TRPV3: variants seen among roughly 807,000 people sequenced by gnomAD.
TRPV3 encodes the protein VRL-3.
In TRPV3, 88 loss-of-function variants were observed where a neutral mutation model predicts 87.1. That is an observed-to-expected ratio of 1.01 (90% CI 0.85 to 1.21). The LOEUF (loss-of-function observed/expected upper bound fraction) is 1.21. TRPV3 is among the 50% of genes most tolerant of loss of function. The pLI is 0.00. For synonymous variants in TRPV3, 438 were observed against 423.3 expected, an observed-to-expected ratio of 1.03 and a Z score of -0.43; for missense variants, 1,054 against 1,030.1, an observed-to-expected ratio of 1.02 and a Z score of -0.32.
chr17:3,531,056 C>CA (rs148968873), intron 8 of TRPV3, among the ~76,000 whole-genome samples: 50,560 of 144,930 alleles, frequency 0.35, 10,960 homozygotes, highest in Non-Finnish European at 0.48. Flanking sequence ...ACTCTAGTCT[C>CA]AAAAAAAACA....
chr17:3,546,823 C>A, intron 2 of TRPV3: 1 of 361,810 alleles, frequency 2.8e-6, no homozygotes, highest in Non-Finnish European at 5.7e-6. Context: ...ACAAAATTAG[C>A]TGGGTGTGGT....
rs369066309 is a variant in TRPV3 at position 3,556,636 on chromosome 17, G to C, written c.-3+1040C>G. Among the ~76,000 whole-genome samples the C allele has an allele frequency of 2.0e-5, 3 of 152,180 alleles. No individual in the cohort carries two copies. The highest frequency in any genetic ancestry group is 4.4e-5 in the Non-Finnish European group (3 of 68,020). ...CGGAGCCAGGTGTCATCAGGCTGGA[G>C]AGAGTCCCCCGCCCTCCAACTCAAA... On this transcript the variant is annotated intron_variant, in intron 1 of 17. Transcript: ENST00000576742. The surrounding 1 kb of genome is among the most constrained non-coding windows in gnomAD (Gnocchi z 4.2).
chr17:3,514,025 A>C lies in TRPV3; in HGVS notation c.2279-14T>G. ...TTTTGTTGAAATCTGCTTTTTAAAA[A>C]AATATATATTTTAGAAATATATCAC... is the stretch of plus-strand genomic sequence containing the variant. On this transcript the variant is annotated splice_polypyrimidine_tract_variant and intron_variant, in intron 17 of 17. Transcript: ENST00000576742. 6.3e-7 allele frequency: 1 copy of C among 1,591,984 alleles called. No homozygotes were observed. The highest frequency in any genetic ancestry group is 8.6e-7 in the Non-Finnish European group (1 of 1,163,784).
At chr17:3,525,163 GCACC>G (rs1299768701) in intron 12 of TRPV3, among the ~76,000 whole-genome samples, 26 of 149,978 alleles carry the variant, frequency 1.7e-4, no homozygotes, top group African/African-American at 6.1e-4. Context: ...GGGATTACAG[GCACC>G]CGCCACCACA....
Position 3,513,792 on chromosome 17 carries a change from G to T in TRPV3, c.*125C>A. ...CACCCACTGAGCACTGAGCACGAGG[G>T]TGCACTCTGCTTCTAGGCCAGCAGA... On this transcript the variant is annotated 3_prime_UTR_variant, in exon 18 of 18. Coordinates refer to ENST00000576742, the MANE Select transcript of TRPV3 (RefSeq NM_145068.4). 1 of 767,444 alleles carries T rather than the reference G, an allele frequency of 1.3e-6. No individual in the cohort carries two copies. Among genetic ancestry groups the T allele is most frequent in the Admixed American group, 2.3e-5 (1 of 44,032 alleles). 47.5% of individuals were successfully genotyped at this position (767,444 alleles called of 1,614,324 possible). A position where few individuals can be genotyped will look rare whatever the true frequency, so the allele number is the denominator to read the frequency against.
Position 3,513,213 on chromosome 17 carries a change from C to G in TRPV3, c.*704G>C, listed in dbSNP as rs1254908489. ...ACTTCATTGTAGTAATTTTCATTCT[C>G]AACTGAAATGTCTTTTCCGTATTGC... is the stretch of plus-strand genomic sequence containing the variant. On this transcript the variant is annotated 3_prime_UTR_variant, in exon 18 of 18. Transcript: ENST00000576742. 1 of 152,660 alleles carries G rather than the reference C, an allele frequency of 6.6e-6. No individual in the cohort carries two copies. The highest frequency in any genetic ancestry group is 1.9e-4 in the East Asian group (1 of 5,198). The allele number at this position is 152,660 out of a possible 1,614,324, so 9.5% of individuals were successfully genotyped here.
chr17:3,535,988 G>C (rs1490222728), intron 6 of TRPV3, among the ~76,000 whole-genome samples: 4 of 152,260 alleles, frequency 2.6e-5, no homozygotes, highest in Admixed American at 6.5e-5. Context: ...TCCTCAAGAA[G>C]CCCGCAGTGT....
At chr17:3,544,727 T>A in intron 3 of TRPV3, 62 bp from the exon 4 acceptor site, 1 of 1,245,180 alleles carries the variant, frequency 8.0e-7, no homozygotes, top group Non-Finnish European at 1.1e-6. Context: ...CCGGGTGAGG[T>A]GGCTCATGCA....
At chr17:3,540,708 G>A (rs544420456) in intron 6 of TRPV3, among the ~76,000 whole-genome samples, 28 of 152,300 alleles carry the variant, frequency 1.8e-4, no homozygotes, top group African/African-American at 6.3e-4. Flanking sequence ...AAGAAAGGAG[G>A]ATACAAAGGG....
intron 1 of TRPV3, among the ~76,000 whole-genome samples, chr17:3,555,589 T>C (rs1170704944): frequency 2.0e-5 from 3 of 152,028 alleles, no homozygotes; most frequent in East Asian, 3.9e-4. Context: ...GACCCCCCAG[T>C]CCAGACCTGC....
intron 14 of TRPV3, 90 bp downstream of exon 14, chr17:3,520,883 G>T: frequency 2.5e-6 from 2 of 788,524 alleles, no homozygotes; most frequent in Non-Finnish European, 2.1e-6. Flanking sequence ...TGGTCTAATT[G>T]TTGCCAAGGC....
intron 7 of TRPV3, among the ~76,000 whole-genome samples, chr17:3,533,867 T>C (rs114803212): frequency 2.1e-3 from 323 of 152,338 alleles, no homozygotes; most frequent in African/African-American, 7.6e-3. Context: ...ATAGTGCTTA[T>C]TACCGATGGT....
chr17:3,549,609 G>A (rs2074554286), intron 2 of TRPV3, among the ~76,000 whole-genome samples: 1 of 152,190 alleles, frequency 6.6e-6, no homozygotes, highest in South Asian at 2.1e-4. Flanking sequence ...ATAAATGGAT[G>A]AATGAATAAT....
chr17:3,553,837 A>G (rs2150809308), intron 2 of TRPV3: 1 of 152,504 alleles, frequency 6.6e-6, no homozygotes, highest in East Asian at 1.9e-4. Flanking sequence ...TCCAACTAAC[A>G]GAGGGGAAGC....
intron 15 of TRPV3, among the ~76,000 whole-genome samples, chr17:3,517,938 C>G (rs1230074778): frequency 6.6e-6 from 1 of 151,862 alleles, no homozygotes; most frequent in Non-Finnish European, 1.5e-5. Flanking sequence ...CCTGCCTCAG[C>G]CTCCCAAGTA....
At position 3,518,549 on chromosome 17, in the gene TRPV3, C is replaced by T; in HGVS notation, c.2085+27G>A. On this transcript the variant is annotated intron_variant, in intron 15 of 17. Transcript: ENST00000576742. The surrounding 1 kb of genome is among the most constrained non-coding windows in gnomAD (Gnocchi z 4.3). ...CTGAACTGAGTCCCGTGGAGGCCCC[C>T]ACGCTGGGGTCTCCACCTAGGCTCA... 6.5e-7 allele frequency: 1 copy of T among 1,537,004 alleles called. No individual in the cohort carries two copies. Among genetic ancestry groups the T allele is most frequent in the Non-Finnish European group, 8.8e-7 (1 of 1,139,980 alleles).
rs571354968 is a variant in TRPV3, at chr17:3,510,659, C to T, written c.*3258G>A. ...AGGTAAATGAGAATTTACAAGGATC[C>T]GGCACATTCAAGGGAGAATGGGGTG... On this transcript the variant is annotated 3_prime_UTR_variant, in exon 18 of 18. Coordinates refer to ENST00000576742, the MANE Select transcript of TRPV3 (RefSeq NM_145068.4). 7.2e-5 allele frequency: 11 copies of T among 152,298 alleles called. No individual in the cohort carries two copies. In the South Asian group the frequency reaches 1.5e-3, roughly 20 times the overall value. 9.4% of individuals were successfully genotyped at this position (152,298 alleles called of 1,614,324 possible).
intron 15 of TRPV3, among the ~76,000 whole-genome samples, chr17:3,517,978 C>T (rs900718143): frequency 6.6e-6 from 1 of 151,972 alleles, no homozygotes; most frequent in African/African-American, 2.4e-5. Context: ...ACTAACACAC[C>T]TGGCTAGCTT....
At chr17:3,543,124 A>AC (rs1242653099) in intron 5 of TRPV3, among the ~76,000 whole-genome samples, 7 of 148,360 alleles carry the variant, frequency 4.7e-5, no homozygotes, top group African/African-American at 7.5e-5. Flanking sequence ...ACCATGCTGG[A>AC]CCCCCCGTCC....
Sources: gnomAD v4.1 joint callset for allele counts (sites outside exome capture counted in the v4.1 genomes callset) on GRCh38, gnomAD v4.1.1 for gene constraint, Gnocchi (gnomAD v3.1) non-coding constraint, MANE v1.5 for transcripts, NCBI Gene and HGNC (gene_info 2026-07-23, HGNC 2026-07-21) for gene names.